SNTB1: variants seen among roughly 807,000 people sequenced by gnomAD.
The protein encoded by SNTB1 is syntrophin beta 1, also known as beta-1-syntrophin.
In SNTB1, 36 loss-of-function variants were observed where a neutral mutation model predicts 48.9. That is an observed-to-expected ratio of 0.74 (90% CI 0.56 to 0.97). The LOEUF (loss-of-function observed/expected upper bound fraction) is 0.97. SNTB1 is among the 50% of genes least tolerant of loss of function. SNTB1 has a pLI of 0.00. For missense variants in SNTB1, 786 were observed against 703.4 expected (o/e 1.12, Z -1.33); for synonymous variants, 299 against 294.6 (o/e 1.01, Z -0.15).
intron 1 of SNTB1, among the ~76,000 whole-genome samples, chr8:120,795,558 A>T (rs1489132789): frequency 6.6e-6 from 1 of 152,050 alleles, no homozygotes; most frequent in Admixed American, 6.6e-5. Flanking sequence ...GTTACTATTT[A>T]CTCATTTCAT....
At chr8:120,606,908 T>C (rs1159163965) in intron 3 of SNTB1, among the ~76,000 whole-genome samples, 1 of 152,128 alleles carries the variant, frequency 6.6e-6, no homozygotes, top group African/African-American at 2.4e-5. Flanking sequence ...ATCCCCACAA[T>C]TACATACCAT....
At chr8:120,692,302 T>A (rs1378753946) in intron 2 of SNTB1, among the ~76,000 whole-genome samples, 2 of 152,100 alleles carry the variant, frequency 1.3e-5, no homozygotes, top group Middle Eastern at 3.2e-3. Flanking sequence ...CCGATGGCTT[T>A]TCCCCATGAG....
chr8:120,602,981 C>G (rs183642554), intron 3 of SNTB1, among the ~76,000 whole-genome samples: 1 of 151,990 alleles, frequency 6.6e-6, no homozygotes, highest in Admixed American at 6.5e-5. Context: ...TTATATACCA[C>G]CATATTATCT....
At chr8:120,720,580 A>G (rs1818642625) in intron 1 of SNTB1, among the ~76,000 whole-genome samples, 1 of 152,192 alleles carries the variant, frequency 6.6e-6, no homozygotes, top group East Asian at 1.9e-4. Context: ...AAAGACCTCT[A>G]TCCTATACTG....
At chr8:120,621,051 C>A (rs1009630446) in intron 3 of SNTB1, among the ~76,000 whole-genome samples, 1 of 152,100 alleles carries the variant, frequency 6.6e-6, no homozygotes, top group Admixed American at 6.6e-5. Flanking sequence ...CCTCCACCTC[C>A]CGGGTTCAAG....
chr8:120,653,266 G>A (rs1004431648), intron 2 of SNTB1, among the ~76,000 whole-genome samples: 1 of 152,122 alleles, frequency 6.6e-6, no homozygotes, highest in Non-Finnish European at 1.5e-5. Flanking sequence ...GTATTAGGGT[G>A]GGTCCTAAAT....
chr8:120,558,958 C>A (rs1398734309), intron 4 of SNTB1, among the ~76,000 whole-genome samples: 6 of 152,124 alleles, frequency 3.9e-5, no homozygotes, highest in Non-Finnish European at 8.8e-5. Context: ...CACTCAGTAT[C>A]TGTTAAATGA....
chr8:120,721,115 A>C (rs1346747945), intron 1 of SNTB1, among the ~76,000 whole-genome samples: 2 of 152,184 alleles, frequency 1.3e-5, no homozygotes, highest in African/African-American at 4.8e-5. Flanking sequence ...TGAATTTCAG[A>C]AAACCCTAGG....
chr8:120,631,362 AC>A (rs1235331809), intron 3 of SNTB1, among the ~76,000 whole-genome samples: 4 of 152,194 alleles, frequency 2.6e-5, no homozygotes, highest in Non-Finnish European at 5.9e-5. Flanking sequence ...ATAGGACAAT[AC>A]CAAGCCCAAC....
chr8:120,597,430 T>A (rs1192981519), intron 3 of SNTB1, among the ~76,000 whole-genome samples: 2 of 152,230 alleles, frequency 1.3e-5, no homozygotes, highest in Admixed American at 1.3e-4. Context: ...CTACAAGGGA[T>A]GCGATGGATT....
chr8:120,596,462 T>C (rs886442146), intron 3 of SNTB1, among the ~76,000 whole-genome samples: 1 of 152,208 alleles, frequency 6.6e-6, no homozygotes, highest in Admixed American at 6.5e-5. Flanking sequence ...CAATGCAGAT[T>C]TATAGCTGCA....
At chr8:120,795,585 T>G (rs1047592794) in intron 1 of SNTB1, among the ~76,000 whole-genome samples, 8 of 152,058 alleles carry the variant, frequency 5.3e-5, no homozygotes, top group African/African-American at 1.9e-4. Context: ...CCTATTAACT[T>G]CTAATGAAAT....
At chr8:120,681,157 T>G (rs903020739) in intron 2 of SNTB1, among the ~76,000 whole-genome samples, 3 of 152,206 alleles carry the variant, frequency 2.0e-5, no homozygotes, top group Non-Finnish European at 4.4e-5. Flanking sequence ...TAGAAAAATA[T>G]TTTTTAAGCT....
At chr8:120,571,774 C>T (rs1052045527) in intron 4 of SNTB1, among the ~76,000 whole-genome samples, 1 of 152,108 alleles carries the variant, frequency 6.6e-6, no homozygotes, top group Non-Finnish European at 1.5e-5. Flanking sequence ...GCTGGGATTA[C>T]AGGCATGAGC....
intron 3 of SNTB1, among the ~76,000 whole-genome samples, chr8:120,589,268 C>T (rs1016609818): frequency 4.6e-5 from 7 of 152,172 alleles, no homozygotes; most frequent in African/African-American, 1.4e-4. Flanking sequence ...TCGCTGAGAT[C>T]GGTTGACCTG....
At chr8:120,682,914 C>T (rs1817959117) in intron 2 of SNTB1, among the ~76,000 whole-genome samples, 1 of 142,122 alleles carries the variant, frequency 7.0e-6, no homozygotes, top group South Asian at 2.2e-4. Context: ...TGGGGACTCG[C>T]TCTTTCGCCC....
At chr8:120,549,155 C>A (rs1815437106) in intron 4 of SNTB1, among the ~76,000 whole-genome samples, 197 bp from the exon 5 acceptor site, 1 of 152,098 alleles carries the variant, frequency 6.6e-6, no homozygotes, top group African/African-American at 2.4e-5. Context: ...GGCATCTGGA[C>A]AAATATGCAA....
intron 3 of SNTB1, among the ~76,000 whole-genome samples, chr8:120,621,174 G>T (rs1206679872): frequency 6.6e-6 from 1 of 152,048 alleles, no homozygotes; most frequent in Non-Finnish European, 1.5e-5. Flanking sequence ...TGGCCAGGGT[G>T]GTCTTGAACT....
chr8:120,617,307 A>G (rs1255096042), intron 3 of SNTB1, among the ~76,000 whole-genome samples: 2 of 152,268 alleles, frequency 1.3e-5, no homozygotes, highest in Non-Finnish European at 2.9e-5. Context: ...TTTTGCTATT[A>G]TAACTCATGT....
Sources: gnomAD v4.1 joint callset for allele counts (sites outside exome capture counted in the v4.1 genomes callset) on GRCh38, gnomAD v4.1.1 for gene constraint, MANE v1.5 for transcripts, NCBI Gene and HGNC (gene_info 2026-07-23, HGNC 2026-07-21) for gene names.